The following PCDHGA7 variants were observed in gnomAD, a reference collection of about 807,000 sequenced individuals.
PCDHGA7 encodes protocadherin gamma-A7.
Under a neutral mutation model 58.3 loss-of-function variants are expected in PCDHGA7, and 44 were observed. The observed-to-expected ratio is 0.75, with a 90% CI of 0.59 to 0.97. PCDHGA7 has a LOEUF of 0.97. PCDHGA7 is among the 50% of genes least tolerant of loss of function. The pLI is 0.00. For missense variants in PCDHGA7, 1,266 were observed against 1,188.7 expected, an observed-to-expected ratio of 1.06 and a Z score of -0.96; for synonymous variants, 516 against 504.2, an observed-to-expected ratio of 1.02 and a Z score of -0.31.
Position 141,485,190 on chromosome 5 carries a change from G to C in PCDHGA7, c.2425-9617G>C. 6.2e-7 allele frequency: 1 copy of C among 1,613,920 alleles called. No individual in the cohort carries two copies. Among genetic ancestry groups the C allele is most frequent in the Non-Finnish European group, 8.5e-7 (1 of 1,179,788 alleles). Reference sequence around the variant, plus strand: ...GCGGCAGCAATGCTCCGCAAGGTGAGAAGCTGGACAGAAATCTGGCGGTGG... The same window carrying C: ...GCGGCAGCAATGCTCCGCAAGGTGACAAGCTGGACAGAAATCTGGCGGTGG... On this transcript the variant is annotated intron_variant, in intron 1 of 3. Coordinates refer to ENST00000518325, the MANE Select transcript of PCDHGA7 (RefSeq NM_018920.4). This position sits in a 1 kb window ranked among gnomAD's most constrained non-coding sequence, Gnocchi z 5.7.
intron 1 of PCDHGA7, chr5:141,393,313 T>G: frequency 1.2e-6 from 2 of 1,613,324 alleles, no homozygotes; most frequent in Non-Finnish European, 1.7e-6. Flanking sequence ...GTGAACTCCC[T>G]CCAGAGCTAC....
intron 1 of PCDHGA7, chr5:141,398,744 GTTACCATCGT>G (rs765550213): frequency 1.3e-4 from 209 of 1,613,736 alleles, no homozygotes; most frequent in Non-Finnish European, 1.7e-4. Context: ...GAACAACAGA[GTTACCATCGT>G]TTAGTCCTGA....
rs1390739125 is a variant in PCDHGA7 at position 141,490,094 on chromosome 5, C to T, written c.2425-4713C>T. ...CTAGACTATTCTTTTGGAGACCACA[C>T]ATCTGAGGCAGTGCGGAACCTCTTT... On this transcript the variant is annotated intron_variant, in intron 1 of 3. Coordinates refer to ENST00000518325, the MANE Select transcript of PCDHGA7 (RefSeq NM_018920.4). This position sits in a 1 kb window ranked among gnomAD's most constrained non-coding sequence, Gnocchi z 5.4. 1 of 1,614,250 alleles carries T rather than the reference C, an allele frequency of 6.2e-7. No individual in the cohort carries two copies. The highest frequency in any genetic ancestry group is 2.2e-5 in the East Asian group (1 of 44,888).
At chr5:141,450,297 G>A (rs1414677718) in intron 1 of PCDHGA7, among the ~76,000 whole-genome samples, 3 of 151,838 alleles carry the variant, frequency 2.0e-5, no homozygotes, top group Non-Finnish European at 4.4e-5. Context: ...ACAGGCGTGA[G>A]CCACCATGTG....
rs568927137 is a variant in PCDHGA7, at chr5:141,410,186, CT to C, written c.2424+24864del. On this transcript the variant is annotated intron_variant, in intron 1 of 3. Coordinates refer to ENST00000518325, the MANE Select transcript of PCDHGA7 (RefSeq NM_018920.4). ...ACTCTCTGCCACCGCCACGCTTCAT[CT>C]GGTCTTCGCAGACAACTTGCAAGAG... 1.6e-5 allele frequency: 26 copies of C among 1,613,940 alleles called. 1 individual carries two copies. In the South Asian group the frequency reaches 2.6e-4, roughly 16 times the overall value.
In PCDHGA7 at chr5:141,491,856, C is replaced by A. The variant is rs754113958; in HGVS notation, c.2425-2951C>A. On this transcript the variant is annotated intron_variant, in intron 1 of 3. Coordinates refer to ENST00000518325, the MANE Select transcript of PCDHGA7 (RefSeq NM_018920.4). This position sits in a 1 kb window ranked among gnomAD's most constrained non-coding sequence, Gnocchi z 6.9. ...TCTCGGGATCATTGGACCGTTTGCG[C>A]GAAACCAGAGTGGCCGATTAAGGGA... 6.9e-7 allele frequency: 1 copy of A among 1,458,728 alleles called. No individual in the cohort carries two copies. The highest frequency in any genetic ancestry group is 9.1e-7 in the Non-Finnish European group (1 of 1,103,072). The allele number at this position is 1,458,728 out of a possible 1,614,324, so 90.4% of individuals were successfully genotyped here. A position where few individuals can be genotyped will look rare whatever the true frequency, so the allele number is the denominator to read the frequency against.
intron 1 of PCDHGA7, chr5:141,405,289 C>G (rs1206637203): frequency 1.7e-5 from 28 of 1,614,070 alleles, no homozygotes; most frequent in Non-Finnish European, 2.4e-5. Context: ...CAGACACACT[C>G]ATCAGCCAGC....
chr5:141,428,381 C>T, intron 1 of PCDHGA7: 1 of 516,406 alleles, frequency 1.9e-6, no homozygotes, highest in Non-Finnish European at 3.6e-6. Context: ...CTGCGATGCT[C>T]TTCCAGCCCC....
chr5:141,421,833 C>T (rs1364245594), intron 1 of PCDHGA7: 6 of 1,613,756 alleles, frequency 3.7e-6, no homozygotes, highest in Non-Finnish European at 4.2e-6. Flanking sequence ...GAAGCCTGGA[C>T]CGAGAGAAAG....
chr5:141,443,849 T>A (rs1233479391), intron 1 of PCDHGA7, among the ~76,000 whole-genome samples: 2 of 152,136 alleles, frequency 1.3e-5, no homozygotes, highest in Admixed American at 1.3e-4. Flanking sequence ...ATATGGAAAG[T>A]CTGAAAACTG....
intron 1 of PCDHGA7, among the ~76,000 whole-genome samples, chr5:141,448,975 T>C (rs888432093): frequency 6.6e-6 from 1 of 151,970 alleles, no homozygotes; most frequent in African/African-American, 2.4e-5. Flanking sequence ...AAAAAAGAAC[T>C]TCCATATTAA....
intron 1 of PCDHGA7, chr5:141,478,520 G>C (rs1474701976): frequency 1.2e-6 from 2 of 1,610,510 alleles, no homozygotes; most frequent in East Asian, 4.5e-5. Context: ...GCAGGTGTTG[G>C]GTGCAGAGAG....
intron 2 of PCDHGA7, among the ~76,000 whole-genome samples, chr5:141,496,189 G>T (rs1362938002): frequency 1.3e-5 from 2 of 152,004 alleles, no homozygotes; most frequent in African/African-American, 4.8e-5. Context: ...AGCCCCAGCT[G>T]CTCATTTCAA....
chr5:141,416,062 T>G, intron 1 of PCDHGA7: 1 of 176,822 alleles, frequency 5.7e-6, no homozygotes, highest in Non-Finnish European at 1.2e-5. Flanking sequence ...AATCCAAGAA[T>G]ACTCAATGCA....
rs1379875429 is a variant in PCDHGA7 at position 141,491,125 on chromosome 5, C to T, written c.2425-3682C>T. 3.1e-6 allele frequency: 5 copies of T among 1,614,020 alleles called. No homozygotes were observed. The highest frequency in any genetic ancestry group is 4.2e-6 in the Non-Finnish European group (5 of 1,179,992). ...CGTGTCTACACACACTGGTGAGGTG[C>T]GCACAGCCCGGGCCTTACTGGAGGA... On this transcript the variant is annotated intron_variant, in intron 1 of 3. Coordinates refer to ENST00000518325, the MANE Select transcript of PCDHGA7 (RefSeq NM_018920.4). The surrounding 1 kb of genome is among the most constrained non-coding windows in gnomAD (Gnocchi z 6.9).
chr5:141,428,331 G>A, intron 1 of PCDHGA7: 2 of 625,576 alleles, frequency 3.2e-6, no homozygotes, highest in East Asian at 2.9e-5. Context: ...TGATTTCTAT[G>A]CTCTTCTTCC....
chr5:141,499,689 C>CTTTT (rs545067566), intron 2 of PCDHGA7, among the ~76,000 whole-genome samples: 17 of 119,848 alleles, frequency 1.4e-4, no homozygotes, highest in East Asian at 2.4e-4. Context: ...TAACAGATGA[C>CTTTT]TTTTTTTTTT....
chr5:141,430,458 A>G, intron 1 of PCDHGA7: 1 of 204,230 alleles, frequency 4.9e-6, no homozygotes, highest in Non-Finnish European at 9.7e-6. Context: ...GAAGAACAGT[A>G]GGTGGAGCTA....
At chr5:141,388,216 A>G (rs1391427454) in intron 1 of PCDHGA7, 1 of 1,598,862 alleles carries the variant, frequency 6.3e-7, no homozygotes, top group African/African-American at 1.4e-5. Flanking sequence ...GCTGTTGCTG[A>G]AAATCCACTG....
Sources: allele counts gnomAD v4.1 joint callset (sites outside exome capture counted in the v4.1 genomes callset), GRCh38; gene constraint gnomAD v4.1.1; non-coding constraint Gnocchi (gnomAD v3.1); transcripts MANE v1.5; gene names NCBI Gene and HGNC (gene_info 2026-07-23, HGNC 2026-07-21).